ASB15: variants seen among roughly 807,000 people sequenced by gnomAD.
ASB15 encodes the protein ankyrin repeat and SOCS box containing 15, also known as ankyrin repeat and SOCS box protein 15.
A neutral mutation model predicts 58.0 loss-of-function variants in ASB15; 54 were observed. The ratio of observed to expected loss-of-function variants is 0.93; its 90% CI spans 0.75 to 1.17. ASB15 has a LOEUF of 1.17. Ranked by LOEUF, ASB15 falls within the 50% of genes most tolerant of loss-of-function variation. ASB15 has a pLI of 0.00. For missense variants in ASB15, 680 were observed against 707.4 expected (o/e 0.96, Z 0.44); for synonymous variants, 249 against 262.4 (o/e 0.95, Z 0.50).
chr7:123,636,867 C>A lies in ASB15; in HGVS notation c.1653C>A (p.Leu551=). 1 of 1,609,680 alleles carries A rather than the reference C, an allele frequency of 6.2e-7. No homozygotes were observed. Among genetic ancestry groups the A allele is most frequent in the Non-Finnish European group, 8.5e-7 (1 of 1,176,850 alleles). ...CRLKIRRLMG[L]QKLCQPASVE... is the part of the protein sequence containing the mutation. ...TAAAAATTCGAAGGCTTATGGGTCTCCAGAAACTCTGCCAGCCAGCCTCAG... is the reference window on the plus strand; with the variant it reads ...TAAAAATTCGAAGGCTTATGGGTCTACAGAAACTCTGCCAGCCAGCCTCAG... The change falls in exon 12 of 12, where the codon CTC becomes CTA. Residue 551 remains leucine (L), a synonymous_variant. Coordinates refer to ENST00000451215, the MANE Select transcript of ASB15 (RefSeq NM_001290258.2).
At chr7:123,601,984 T>A (rs897136682) in intron 1 of ASB15, 70 bp downstream of exon 1, 2 of 152,168 alleles carry the variant, frequency 1.3e-5, no homozygotes, top group African/African-American at 4.8e-5. Flanking sequence ...TTGGTAATAT[T>A]TTAAACAGAT....
In ASB15 at chr7:123,638,990, T is replaced by A. The variant is rs770637930; in HGVS notation, c.*2009T>A. 2.0e-5 allele frequency: 3 copies of A among 152,222 alleles called. No homozygotes were observed. Among genetic ancestry groups the A allele is most frequent in the Non-Finnish European group, 4.4e-5 (3 of 68,030 alleles). The allele number at this position is 152,222 out of a possible 1,614,324, so 9.4% of individuals were successfully genotyped here. A position where few individuals can be genotyped will look rare whatever the true frequency, so the allele number is the denominator to read the frequency against. ...TAATTGTTTGTTGAAATATATTGAA[T>A]AAGTGACAAAAATAATCAGTGACAT... On this transcript the variant is annotated 3_prime_UTR_variant, in exon 12 of 12. Coordinates refer to ENST00000451215, the MANE Select transcript of ASB15 (RefSeq NM_001290258.2).
rs539548362 is a variant in ASB15 at position 123,639,250 on chromosome 7, T to A, written c.*2269T>A. On this transcript the variant is annotated 3_prime_UTR_variant, in exon 12 of 12. Coordinates refer to ENST00000451215, the MANE Select transcript of ASB15 (RefSeq NM_001290258.2). ...AAAAATCGTACAATTAGGGCTATAA[T>A]TTTAACTTCTTGTATTCCCTAGAGG... The A allele has an allele frequency of 3.1e-4, 47 of 152,312 alleles. No individual in the cohort carries two copies. The highest frequency in any genetic ancestry group is 1.1e-3 in the African/African-American group (45 of 41,580). The allele number at this position is 152,312 out of a possible 1,614,324, so 9.4% of individuals were successfully genotyped here.
chr7:123,607,049 T>C (rs1800179150), intron 2 of ASB15, among the ~76,000 whole-genome samples: 1 of 152,202 alleles, frequency 6.6e-6, no homozygotes, highest in Non-Finnish European at 1.5e-5. Flanking sequence ...AAAATAGCTA[T>C]ACCCCCAAAA....
At position 123,624,682 on chromosome 7, in the gene ASB15, C is replaced by A. The variant is rs745544688; in HGVS notation, c.565C>A (p.Arg189=). 4 of 1,613,992 alleles carry A rather than the reference C, an allele frequency of 2.5e-6. No homozygotes were observed. In the Admixed American group the frequency reaches 6.7e-5, roughly 27 times the overall value. Residue 189 remains arginine, a synonymous_variant, in exon 8 of 12, where the codon CGA becomes AGA. Coordinates refer to ENST00000451215, the MANE Select transcript of ASB15 (RefSeq NM_001290258.2). Reference sequence around the variant, plus strand: ...AATGCATGAAGCAGCCAAGCAAGGCCGAAAAGATATCGTAGCTCTGCTGCT... The same window carrying A: ...AATGCATGAAGCAGCCAAGCAAGGCAGAAAAGATATCGTAGCTCTGCTGCT... The part of the protein sequence containing the change: ...SAMHEAAKQG[R]KDIVALLLKH...
In ASB15 at chr7:123,614,594, C is replaced by G; in HGVS notation, c.92C>G (p.Ala31Gly). ...IQESIEASKT[A>G]LCPERFVPLS... Reference sequence around the variant, plus strand: ...GAATCCATTGAAGCCAGCAAGACTGCACTTTGTCCTGAAAGGTAGTATTCA... The same window carrying G: ...GAATCCATTGAAGCCAGCAAGACTGGACTTTGTCCTGAAAGGTAGTATTCA... Residue 31 changes from alanine (A) to glycine (G), a missense_variant, in exon 4 of 12, where the codon GCA (alanine) becomes GGA (glycine). By Grantham distance (60) the Ala-to-Gly change is moderately conservative. Coordinates refer to ENST00000451215, the MANE Select transcript of ASB15 (RefSeq NM_001290258.2). 1 of 1,601,906 alleles carries G rather than the reference C, an allele frequency of 6.2e-7. No individual in the cohort carries two copies. Among genetic ancestry groups the G allele is most frequent in the South Asian group, 1.1e-5 (1 of 90,620 alleles).
At chr7:123,625,380 C>T (rs970640805) in intron 8 of ASB15, among the ~76,000 whole-genome samples, 4 of 152,188 alleles carry the variant, frequency 2.6e-5, no homozygotes, top group African/African-American at 9.6e-5. Flanking sequence ...CATACTGCAA[C>T]TTGGCTCCTC....
At position 123,617,749 on chromosome 7, in the gene ASB15, T is replaced by C; in HGVS notation, c.451+12T>C. The C allele has an allele frequency of 6.3e-7, 1 of 1,593,186 alleles. No homozygotes were observed. Among genetic ancestry groups the C allele is most frequent in the South Asian group, 1.1e-5 (1 of 89,414 alleles). On this transcript the variant is annotated intron_variant, in intron 7 of 11. Coordinates refer to ENST00000451215, the MANE Select transcript of ASB15 (RefSeq NM_001290258.2). Reference sequence around the variant, plus strand: ...CCCCCTTCTGATTGGTAAATGACCTTTTTTTCTAGAACTTTTATAGTTTGA... The same window carrying C: ...CCCCCTTCTGATTGGTAAATGACCTCTTTTTCTAGAACTTTTATAGTTTGA...
Position 123,628,916 on chromosome 7 carries a change from G to A in ASB15, c.922G>A (p.Gly308Arg), listed in dbSNP as rs1801969763. 1 of 1,588,190 alleles carries A rather than the reference G, an allele frequency of 6.3e-7. No individual in the cohort carries two copies. The highest frequency in any genetic ancestry group is 1.4e-5 in the African/African-American group (1 of 73,776). Residue 308 changes from glycine to arginine, a missense_variant, in exon 10 of 12, where the codon GGG becomes AGG. Transcript: ENST00000451215. Reference protein sequence around the residue: ...VTSKNAIRKSGLTPIHSAADG... With the variant: ...VTSKNAIRKSRLTPIHSAADG... Reference sequence around the variant, plus strand: ...ATCTAAAAATGCAATTCGGAAAAGTGGGCTAACACCAATTCACTCAGCAGC... The same window carrying A: ...ATCTAAAAATGCAATTCGGAAAAGTAGGCTAACACCAATTCACTCAGCAGC...
intron 7 of ASB15, among the ~76,000 whole-genome samples, chr7:123,623,965 A>C (rs1801574832): frequency 6.7e-6 from 1 of 148,564 alleles, no homozygotes; most frequent in African/African-American, 2.5e-5. Flanking sequence ...GAAAGAAAGA[A>C]AGAAAGAAAG....
At position 123,628,666 on chromosome 7, in the gene ASB15, A is replaced by G. The variant is rs543035346; in HGVS notation, c.870-198A>G. Among the ~76,000 whole-genome samples the G allele has an allele frequency of 3.3e-5, 5 of 152,376 alleles. No homozygotes were observed. In the South Asian group the frequency reaches 1.0e-3, roughly 32 times the overall value. On this transcript the variant is annotated intron_variant, in intron 9 of 11. Coordinates refer to ENST00000451215, the MANE Select transcript of ASB15 (RefSeq NM_001290258.2). ...CCAGGAATATTTAGAACAAAAAGCTAAATCAAAACTGAGCTACATTACACT... is the reference window on the plus strand; with the variant it reads ...CCAGGAATATTTAGAACAAAAAGCTGAATCAAAACTGAGCTACATTACACT...
chr7:123,621,574 T>G (rs902008623), intron 7 of ASB15: 3 of 152,250 alleles, frequency 2.0e-5, no homozygotes, highest in African/African-American at 7.2e-5. Context: ...TTCTTCTTTT[T>G]GTCTGTACAA....
At chr7:123,610,569 G>A (rs1262344491) in intron 3 of ASB15, among the ~76,000 whole-genome samples, 1 of 152,128 alleles carries the variant, frequency 6.6e-6, no homozygotes, top group Non-Finnish European at 1.5e-5. Context: ...TTTTTTACCA[G>A]GAGAACATGA....
At chr7:123,620,565 T>C (rs1801245552) in intron 7 of ASB15, among the ~76,000 whole-genome samples, 1 of 46,758 alleles carries the variant, frequency 2.1e-5, no homozygotes, top group East Asian at 5.8e-4. Flanking sequence ...TTTTTTTTTT[T>C]TTTTTTTTTT....
At position 123,639,312 on chromosome 7, in the gene ASB15, A is replaced by C. The variant is rs1379976580; in HGVS notation, c.*2331A>C. 1 of 152,170 alleles carries C rather than the reference A, an allele frequency of 6.6e-6. No individual in the cohort carries two copies. The highest frequency in any genetic ancestry group is 1.5e-5 in the Non-Finnish European group (1 of 68,020). The allele number at this position is 152,170 out of a possible 1,614,324, so 9.4% of individuals were successfully genotyped here. On this transcript the variant is annotated 3_prime_UTR_variant, in exon 12 of 12. Transcript: ENST00000451215. Reference sequence around the variant, plus strand: ...ATGTAAGTTAAACTGTAATGTATTTATATTTAATTGCAACATCTTGTATAC... The same window carrying C: ...ATGTAAGTTAAACTGTAATGTATTTCTATTTAATTGCAACATCTTGTATAC...
chr7:123,584,531 T>C (rs1044110836), intron 1 of ASB15, among the ~76,000 whole-genome samples: 5 of 151,954 alleles, frequency 3.3e-5, no homozygotes, highest in African/African-American at 1.2e-4. Context: ...GTAGAATCTA[T>C]CTTTTCTCCC....
intron 1 of ASB15, among the ~76,000 whole-genome samples, chr7:123,577,177 T>C (rs998939466): frequency 2.6e-5 from 4 of 152,202 alleles, no homozygotes; most frequent in Non-Finnish European, 4.4e-5. Flanking sequence ...AACTTAGATG[T>C]AAAGGTTTAC....
chr7:123,603,529 T>C (rs1799989689), intron 1 of ASB15, among the ~76,000 whole-genome samples: 2 of 150,396 alleles, frequency 1.3e-5, no homozygotes, highest in Admixed American at 6.6e-5. Flanking sequence ...GATAAACACC[T>C]TTTCTGGGAG....
chr7:123,635,208 A>C (rs1458422740), intron 11 of ASB15, among the ~76,000 whole-genome samples: 1 of 152,246 alleles, frequency 6.6e-6, no homozygotes, highest in Non-Finnish European at 1.5e-5. Context: ...GGTAGGAGAA[A>C]GAAATAAAGA....
Sources: allele counts gnomAD v4.1 joint callset (sites outside exome capture counted in the v4.1 genomes callset), GRCh38; gene constraint gnomAD v4.1.1; transcripts MANE v1.5; gene names NCBI Gene and HGNC (gene_info 2026-07-23, HGNC 2026-07-21).